PROM1: variants seen among roughly 807,000 people sequenced by gnomAD.
PROM1 encodes prominin 1.
A neutral mutation model predicts 116.9 loss-of-function variants in PROM1; 105 were observed. The observed-to-expected ratio is 0.90, with a 90% CI of 0.77 to 1.06. The LOEUF (loss-of-function observed/expected upper bound fraction) is 1.06. Among genes scored for constraint, PROM1 ranks in the 50% least tolerant of loss-of-function variants. PROM1 has a pLI of 0.00. For missense variants in PROM1, 1,122 were observed against 1,045.2 expected, an observed-to-expected ratio of 1.07 and a Z score of -1.01; for synonymous variants, 393 against 387.0, an observed-to-expected ratio of 1.02 and a Z score of -0.18.
intron 1 of PROM1, among the ~76,000 whole-genome samples, chr4:16,077,166 G>T (rs1744142300): frequency 6.6e-6 from 1 of 152,162 alleles, no homozygotes. Flanking sequence ...TCTGTCTCCT[G>T]CCCGTCCCTG....
At chr4:16,034,569 T>A (rs948504562) in intron 4 of PROM1, among the ~76,000 whole-genome samples, 1 of 152,172 alleles carries the variant, frequency 6.6e-6, no homozygotes, top group Admixed American at 6.5e-5. Context: ...ATTTTCATAA[T>A]CACTGCTGAC....
chr4:15,973,904 G>T (rs1398948291), intron 26 of PROM1, among the ~76,000 whole-genome samples: 1 of 152,090 alleles, frequency 6.6e-6, no homozygotes, highest in African/African-American at 2.4e-5. Context: ...CAGCCATAGA[G>T]GGCCGATGTG....
intron 15 of PROM1, among the ~76,000 whole-genome samples, chr4:15,996,136 G>T (rs564422129): frequency 2.6e-5 from 4 of 152,212 alleles, no homozygotes; most frequent in Non-Finnish European, 5.9e-5. Flanking sequence ...CATACAGAAA[G>T]CACCATGCAG....
intron 1 of PROM1, among the ~76,000 whole-genome samples, chr4:16,077,454 T>C (rs1201549947): frequency 1.3e-5 from 2 of 152,272 alleles, no homozygotes; most frequent in South Asian, 2.1e-4. Flanking sequence ...CCAAGAATGA[T>C]CAATAAATAC....
At position 15,971,089 on chromosome 4, in the gene PROM1, AAC is replaced by A; in HGVS notation, c.2583-9_2583-8del. The A allele has an allele frequency of 1.3e-6, 2 of 1,565,226 alleles. No homozygotes were observed. Among genetic ancestry groups the A allele is most frequent in the East Asian group, 2.3e-5 (1 of 42,842 alleles). On this transcript the variant is annotated splice_polypyrimidine_tract_variant and splice_region_variant and intron_variant, in intron 26 of 27. Coordinates refer to ENST00000447510, the MANE Select transcript of PROM1 (RefSeq NM_006017.3). ...CTATCAATGTTGTGATGGGCTAAAA[AAC>A]AAAAAAATAAAGAAATATAATACCC... is the stretch of plus-strand genomic sequence containing the variant.
intron 14 of PROM1, among the ~76,000 whole-genome samples, chr4:15,998,808 C>T (rs1008012784): frequency 5.3e-5 from 8 of 152,096 alleles, no homozygotes; most frequent in Non-Finnish European, 7.4e-5. Context: ...CTCCCCCTTC[C>T]GGGTTAAAAT....
intron 19 of PROM1, among the ~76,000 whole-genome samples, chr4:15,988,197 C>T (rs1719992411): frequency 6.6e-6 from 1 of 152,130 alleles, no homozygotes; most frequent in Admixed American, 6.5e-5. Context: ...CTTTCTATGC[C>T]TCTGGTGTAA....
At chr4:16,007,607 G>T (rs954839947) in intron 12 of PROM1, among the ~76,000 whole-genome samples, 7 of 152,134 alleles carry the variant, frequency 4.6e-5, no homozygotes, top group Non-Finnish European at 1.0e-4. Context: ...CATGGAGGCT[G>T]GCCTCAGAAA....
Position 16,038,982 on chromosome 4 carries a change from TA to T in PROM1, c.239del (p.Leu80TyrfsTer17). 2.0e-6 allele frequency: 3 copies of T among 1,501,672 alleles called. No homozygotes were observed. The highest frequency in any genetic ancestry group is 8.9e-7 in the Non-Finnish European group (1 of 1,123,712). 93.0% of individuals were successfully genotyped at this position (1,501,672 alleles called of 1,614,324 possible). A position where few individuals can be genotyped will look rare whatever the true frequency, so the allele number is the denominator to read the frequency against. On this transcript the variant is annotated frameshift_variant, in exon 3 of 28. Coordinates refer to ENST00000447510, the MANE Select transcript of PROM1 (RefSeq NM_006017.3). LOFTEE classifies it high-confidence loss of function. The stretch of plus-strand genomic sequence containing the variant: ...CAATTTTGGATTCATATGCCTTCTG[TA>T]AGAATTTTCTCAAAGTATCTGGAAA... Reference protein sequence around the residue: ...DFPEDTLRKFLQKAYESKIDY... With the variant: ...DFPEDTLRKFXQKAYESKIDY...
chr4:16,040,083 C>A (rs1734856233), intron 2 of PROM1, among the ~76,000 whole-genome samples: 1 of 152,234 alleles, frequency 6.6e-6, no homozygotes. Context: ...ATCACTATAT[C>A]CATCACGCCT....
chr4:16,066,173 G>C (rs1479727503), intron 2 of PROM1, among the ~76,000 whole-genome samples: 1 of 152,172 alleles, frequency 6.6e-6, no homozygotes, highest in Non-Finnish European at 1.5e-5. Context: ...AAGCTACCTG[G>C]TTTGTGATAA....
intron 18 of PROM1, among the ~76,000 whole-genome samples, chr4:15,990,219 C>T (rs375691805): frequency 4.6e-5 from 7 of 152,284 alleles, no homozygotes; most frequent in African/African-American, 1.4e-4. Flanking sequence ...GATACCATTA[C>T]CCCATTTTAC....
In PROM1 at chr4:16,016,147, A is replaced by AT; in HGVS notation, c.1077+18dup. ...AAAATGATATAAAATCAGTGATTGT[A>AT]TTTTTTCCAAAAGCATACCTGTTGG... is the stretch of plus-strand genomic sequence containing the variant. On this transcript the variant is annotated intron_variant, in intron 10 of 27. Transcript: ENST00000447510. 1 of 1,542,340 alleles carries AT rather than the reference A, an allele frequency of 6.5e-7. No individual in the cohort carries two copies. Among genetic ancestry groups the AT allele is most frequent in the Non-Finnish European group, 8.8e-7 (1 of 1,138,736 alleles).
Position 15,985,822 on chromosome 4 carries a change from T to G in PROM1, c.2218A>C (p.Lys740Gln). 1 of 1,096,414 alleles carries G rather than the reference T, an allele frequency of 9.1e-7. No homozygotes were observed. Among genetic ancestry groups the G allele is most frequent in the Non-Finnish European group, 1.1e-6 (1 of 871,126 alleles). 67.9% of individuals were successfully genotyped at this position (1,096,414 alleles called of 1,614,324 possible). A position where few individuals can be genotyped will look rare whatever the true frequency, so the allele number is the denominator to read the frequency against. The change falls in exon 22 of 28, where the codon AAG (lysine) becomes CAG (glutamine). Residue 740 changes from lysine (K) to glutamine (Q), a missense_variant. Transcript: ENST00000447510. ...CCTATTATTGTTCTCCCATACTTCT[T>G]AGTTTCCTGGAAAGAAACAAAAGAT... Reference protein sequence around the residue: ...NTSSVIIEETKKYGRTIIGYF... With the variant: ...NTSSVIIEETQKYGRTIIGYF...
chr4:16,022,138 A>G, intron 8 of PROM1, among the ~76,000 whole-genome samples: 1 of 143,220 alleles, frequency 7.0e-6, no homozygotes, highest in Non-Finnish European at 1.5e-5. Flanking sequence ...AAGGAGGGAA[A>G]GAAAGAAAGG....
intron 17 of PROM1, 54 bp from the exon 18 acceptor site, chr4:15,991,347 A>T (rs1178952179): frequency 1.1e-5 from 14 of 1,223,712 alleles, no homozygotes; most frequent in Admixed American, 2.6e-5. Context: ...TTAAGCCTTA[A>T]CACAACATCT....
intron 8 of PROM1, among the ~76,000 whole-genome samples, chr4:16,018,865 G>T (rs1264660655): frequency 6.6e-6 from 1 of 152,126 alleles, no homozygotes; most frequent in East Asian, 1.9e-4. Context: ...ACCCAGCCTC[G>T]AAGAGCTCAG....
chr4:16,033,449 GAAT>G lies in PROM1; in HGVS notation c.361_363del (p.Ile121del). The G allele has an allele frequency of 8.1e-6, 13 of 1,613,342 alleles. No homozygotes were observed. The highest frequency in any genetic ancestry group is 1.3e-5 in the African/African-American group (1 of 74,998). Reference sequence around the variant, plus strand: ...AAGAAATACCCCACCAGAGGCATCAGAATAATAAACAGCAGCCCCAGGACACAG... The same window carrying G: ...AAGAAATACCCCACCAGAGGCATCAGAATAAACAGCAGCCCCAGGACACAG... On this transcript the variant is annotated inframe_deletion, in exon 5 of 28. Coordinates refer to ENST00000447510, the MANE Select transcript of PROM1 (RefSeq NM_006017.3).
chr4:15,980,005 A>G (rs1336009533), intron 24 of PROM1, 101 bp from the exon 25 acceptor site: 5 of 734,416 alleles, frequency 6.8e-6, no homozygotes. Flanking sequence ...GGATACTGAC[A>G]GTGCAAACTC....
Sources: gnomAD v4.1 joint callset for allele counts (sites outside exome capture counted in the v4.1 genomes callset) on GRCh38, gnomAD v4.1.1 for gene constraint, MANE v1.5 for transcripts, NCBI Gene and HGNC (gene_info 2026-07-23, HGNC 2026-07-21) for gene names.